The following FUBP1 variants were observed in gnomAD, a reference collection of about 807,000 sequenced individuals.
FUBP1 encodes the protein far upstream element-binding protein 1.
FUBP1 carries 16 observed loss-of-function variants against 94.9 expected under a neutral mutation model. The observed-to-expected ratio is 0.17, with a 90% confidence interval of 0.11 to 0.26. The LOEUF is 0.26. FUBP1 is among the 10% of genes least tolerant of loss of function. The probability of loss-of-function intolerance (pLI) is 1.00; values close to 1 mark genes in which losing one functional copy is unlikely to be tolerated. For synonymous variants in FUBP1, 279 were observed against 254.9 expected (o/e 1.09, Z -0.90); for missense variants, 583 against 808.6 (o/e 0.72, Z 3.38).
At chr1:77,954,491 G>T (rs1405958643) in intron 18 of FUBP1, among the ~76,000 whole-genome samples, 2 of 152,120 alleles carry the variant, frequency 1.3e-5, no homozygotes, top group Non-Finnish European at 2.9e-5. Context: ...TCAGGTATAT[G>T]TAATTTTACA....
At chr1:77,969,283 A>G (rs1657071032) in intron 2 of FUBP1, among the ~76,000 whole-genome samples, 1 of 152,140 alleles carries the variant, frequency 6.6e-6, no homozygotes, top group South Asian at 2.1e-4. Flanking sequence ...GTAAAAAGAA[A>G]ATGTATCAAA....
chr1:77,967,592 T>C (rs368130777), intron 4 of FUBP1, 35 bp downstream of exon 4: 30 of 1,542,198 alleles, frequency 1.9e-5, no homozygotes, highest in African/African-American at 2.7e-5. Context: ...CAACCAAAAC[T>C]TGCAGAGTAC....
At chr1:77,964,554 A>C in intron 10 of FUBP1, 92 bp downstream of exon 10, 2 of 785,462 alleles carry the variant, frequency 2.5e-6, no homozygotes, top group Non-Finnish European at 4.3e-6. Context: ...ATAAAAGGAT[A>C]ACAATGTTAG....
Position 77,978,781 on chromosome 1 carries a change from G to A in FUBP1, c.120+104C>T, listed in dbSNP as rs1350919823. The A allele has an allele frequency of 5.1e-6, 7 of 1,377,412 alleles. No homozygotes were observed. The African/African-American group carries it at 5.7e-5, about 11-fold the overall frequency. 85.3% of individuals were successfully genotyped at this position (1,377,412 alleles called of 1,614,324 possible). ...TGTCTCTTCACATTTCAGCCCGGAA[G>A]AACACCTCTTTCCTCTTCCTCATGC... On this transcript the variant is annotated intron_variant, in intron 1 of 19. Transcript: ENST00000370768.
intron 16 of FUBP1, among the ~76,000 whole-genome samples, chr1:77,958,999 T>G (rs1654973378): frequency 6.6e-6 from 1 of 152,184 alleles, no homozygotes; most frequent in Non-Finnish European, 1.5e-5. Flanking sequence ...CAACCCCAAC[T>G]TTGCACACCT....
intron 1 of FUBP1, among the ~76,000 whole-genome samples, chr1:77,972,319 A>G (rs1657713085): frequency 6.6e-6 from 1 of 152,200 alleles, no homozygotes; most frequent in Admixed American, 6.5e-5. Flanking sequence ...TACCTTCTGC[A>G]GTTAGCTTTT....
At chr1:77,979,144 G>C (rs1238499383), upstream of FUBP1, 1 of 840,638 alleles carries the variant, frequency 1.2e-6, no homozygotes, top group Non-Finnish European at 1.8e-6. Context: ...GAGACTGAAG[G>C]AACAAAATCT....
intron 2 of FUBP1, chr1:77,968,893 A>C (rs921310518): frequency 2.8e-5 from 10 of 362,188 alleles, no homozygotes; most frequent in African/African-American, 2.1e-4. Context: ...ATTAAACATC[A>C]GAATGTTGTG....
In FUBP1 at chr1:77,951,123, C is replaced by T. The variant is rs118156923; in HGVS notation, c.1781-1823G>A. On this transcript the variant is annotated intron_variant, in intron 18 of 19. Coordinates refer to ENST00000370768, the MANE Select transcript of FUBP1 (RefSeq NM_003902.5). ...ACCACACATTGTCTCTTACAGGGTG[C>T]ACACTTGAAACCAAACCTGATCAAG... is the stretch of plus-strand genomic sequence containing the variant. 2.6e-5 allele frequency among the ~76,000 whole-genome samples: 4 copies of T among 152,306 alleles called. No homozygotes were observed. In the East Asian group the frequency reaches 7.7e-4, roughly 29 times the overall value.
chr1:77,964,298 T>C lies in FUBP1; in HGVS notation c.896A>G (p.Lys299Arg). ...IVIGRNGEMI[K>R]KIQNDAGVRI... ...AACACCAGCATCATTTTGTATTTTT[T>C]TGATCATCTCTCCATTTCTTCCTAT... The change falls in exon 11 of 20, where the codon AAA (lysine) becomes AGA (arginine). Residue 299 changes from lysine to arginine, a missense_variant. Coordinates refer to ENST00000370768, the MANE Select transcript of FUBP1 (RefSeq NM_003902.5). 6.2e-7 allele frequency: 1 copy of C among 1,609,686 alleles called. No individual in the cohort carries two copies.
chr1:77,970,938 G>C (rs1657404138), intron 1 of FUBP1, among the ~76,000 whole-genome samples: 1 of 152,086 alleles, frequency 6.6e-6, no homozygotes. Flanking sequence ...AGCTACTCGG[G>C]AGGCTGAGGC....
chr1:77,964,025 A>C (rs1656022745), intron 12 of FUBP1, 37 bp downstream of exon 12: 4 of 1,265,296 alleles, frequency 3.2e-6, no homozygotes, highest in Non-Finnish European at 3.5e-6. Context: ...ACTTTTCCAT[A>C]AAAACAAAAA....
upstream of FUBP1, chr1:77,979,194 C>A (rs2102568557): frequency 1.7e-6 from 1 of 598,144 alleles, no homozygotes; most frequent in South Asian, 2.2e-5. Context: ...TGGGTTAGGG[C>A]TGAGAAAGAA....
At chr1:77,954,084 C>T (rs1206840487) in intron 18 of FUBP1, among the ~76,000 whole-genome samples, 1 of 152,154 alleles carries the variant, frequency 6.6e-6, no homozygotes, top group African/African-American at 2.4e-5. Context: ...CCTTAGCCTC[C>T]CAAGCAGCTG....
chr1:77,952,998 T>A (rs536981817), intron 18 of FUBP1, among the ~76,000 whole-genome samples: 1 of 150,522 alleles, frequency 6.6e-6, no homozygotes, highest in African/African-American at 2.4e-5. Flanking sequence ...ATTAGCTGGG[T>A]GTGGTTGGGC....
intron 14 of FUBP1, among the ~76,000 whole-genome samples, chr1:77,961,938 C>T (rs1655557742): frequency 6.6e-6 from 1 of 152,178 alleles, no homozygotes; most frequent in East Asian, 1.9e-4. Context: ...GTCTTTTGTA[C>T]ATCTATTTTT....
intron 2 of FUBP1, among the ~76,000 whole-genome samples, chr1:77,968,409 C>G (rs1656910793): frequency 6.6e-6 from 1 of 152,018 alleles, no homozygotes; most frequent in Non-Finnish European, 1.5e-5. Flanking sequence ...AAAAGATGCA[C>G]AGACATTAAA....
chr1:77,960,781 G>T, intron 14 of FUBP1: 1 of 293,774 alleles, frequency 3.4e-6, no homozygotes, highest in Non-Finnish European at 6.3e-6. Flanking sequence ...GACAGCAGTA[G>T]TTCCCTTTCC....
At chr1:77,963,523 T>C (rs758245626) in intron 13 of FUBP1, 51 bp downstream of exon 13, 30 of 1,069,648 alleles carry the variant, frequency 2.8e-5, no homozygotes, top group Non-Finnish European at 9.8e-6. Flanking sequence ...ACAGAAAGTG[T>C]CCAGAAAAAT....
Sources: allele counts gnomAD v4.1 joint callset (sites outside exome capture counted in the v4.1 genomes callset), GRCh38; gene constraint gnomAD v4.1.1; transcripts MANE v1.5; gene names NCBI Gene and HGNC (gene_info 2026-07-23, HGNC 2026-07-21).